Variants in DOCK1 observed in about 807,000 individuals in gnomAD.
DOCK1 encodes the protein dedicator of cytokinesis protein 1.
A neutral mutation model predicts 262.7 loss-of-function variants in DOCK1; 138 were observed. The ratio of observed to expected loss-of-function variants is 0.53; its 90% CI spans 0.46 to 0.61. The LOEUF (loss-of-function observed/expected upper bound fraction) is 0.61, where lower values mean the gene tolerates loss of function less well. Ranked by LOEUF, DOCK1 falls within the 20% of genes least tolerant of loss-of-function variation. The pLI, the probability that DOCK1 is intolerant of heterozygous loss-of-function variation, is 0.00. For missense variants in DOCK1, 1,908 were observed against 2,370.7 expected (o/e 0.80, Z 4.05); for synonymous variants, 866 against 867.4 (o/e 1.00, Z 0.03).
At chr10:127,413,366 G>A (rs1000245572) in intron 43 of DOCK1, among the ~76,000 whole-genome samples, 4 of 152,330 alleles carry the variant, frequency 2.6e-5, no homozygotes, top group Admixed American at 2.6e-4. Context: ...TGGACAAAGT[G>A]TTCGGAAGCT....
intron 2 of DOCK1, among the ~76,000 whole-genome samples, chr10:126,977,184 G>C (rs1297122981): frequency 6.6e-6 from 1 of 152,238 alleles, no homozygotes; most frequent in Non-Finnish European, 1.5e-5. Flanking sequence ...CTTTGCAGGG[G>C]CAGTTCCTGT....
chr10:127,325,313 C>G (rs887799712), intron 29 of DOCK1, among the ~76,000 whole-genome samples: 2 of 152,184 alleles, frequency 1.3e-5, no homozygotes, highest in African/African-American at 4.8e-5. Flanking sequence ...AGCTGGCACT[C>G]GCTGTTTGAG....
chr10:127,450,559 A>T lies in DOCK1; in HGVS notation c.5566-773A>T, dbSNP rs543168921. 7.1e-4 allele frequency among the ~76,000 whole-genome samples: 108 copies of T among 152,226 alleles called. 1 individual carries two copies. Among genetic ancestry groups the T allele is most frequent in the African/African-American group, 2.6e-3 (107 of 41,522 alleles). On this transcript the variant is annotated intron_variant, in intron 51 of 51. Transcript: ENST00000623213. ...ATCCATTTTTCTATTCGATTGACCC[A>T]TATTTCTAGAGAGTCTCCTGCACAT...
intron 1 of DOCK1, among the ~76,000 whole-genome samples, chr10:126,950,039 C>T (rs2036064003): frequency 6.7e-6 from 1 of 148,870 alleles, no homozygotes; most frequent in Admixed American, 6.8e-5. Flanking sequence ...AGCCATCTAA[C>T]ATCCTCTCTA....
intron 38 of DOCK1, among the ~76,000 whole-genome samples, chr10:127,398,462 G>A (rs2134275724): frequency 6.6e-6 from 1 of 152,318 alleles, no homozygotes; most frequent in Admixed American, 6.5e-5. Flanking sequence ...ACTGAACGCA[G>A]CCTCCTGCTA....
chr10:126,926,217 A>C (rs1231699324), intron 1 of DOCK1, among the ~76,000 whole-genome samples: 2 of 151,694 alleles, frequency 1.3e-5, no homozygotes, highest in Non-Finnish European at 2.9e-5. Context: ...TGACAGAGCC[A>C]CCGAAGTGTT....
intron 27 of DOCK1, chr10:127,128,055 C>CT (rs1438207049): frequency 5.0e-6 from 1 of 200,518 alleles, no homozygotes; most frequent in Non-Finnish European, 1.0e-5. Context: ...AGTGTTTACA[C>CT]TTAAGGTGCC....
intron 29 of DOCK1, 39 bp from the exon 30 acceptor site, chr10:127,338,966 CG>C: frequency 6.6e-7 from 1 of 1,516,772 alleles, no homozygotes; most frequent in Non-Finnish European, 8.9e-7. Context: ...AGTGCCAGAG[CG>C]TAAGTGTGTA....
chr10:127,382,737 C>T (rs2065890178), intron 37 of DOCK1, among the ~76,000 whole-genome samples: 1 of 152,228 alleles, frequency 6.6e-6, no homozygotes, highest in South Asian at 2.1e-4. Flanking sequence ...TGACAAACTG[C>T]TCACTCAACC....
chr10:127,169,987 G>C (rs1212907006), intron 27 of DOCK1, among the ~76,000 whole-genome samples: 4 of 152,008 alleles, frequency 2.6e-5, no homozygotes, highest in Non-Finnish European at 4.4e-5. Flanking sequence ...CCTGAACTCA[G>C]GGGGTTCCTT....
At chr10:127,372,279 C>G (rs1041441248) in intron 33 of DOCK1, among the ~76,000 whole-genome samples, 2 of 152,060 alleles carry the variant, frequency 1.3e-5, no homozygotes, top group African/African-American at 4.8e-5. Context: ...TGGGTTTCAC[C>G]GTTCCTTGCT....
At chr10:127,360,999 A>G (rs60075140) in intron 32 of DOCK1, among the ~76,000 whole-genome samples, 7,069 of 152,034 alleles carry the variant, frequency 0.046, 191 homozygotes, top group Non-Finnish European at 0.051. Context: ...TAATATGATC[A>G]TATTCAGTAT....
At chr10:127,291,132 C>A (rs1340266212) in intron 29 of DOCK1, among the ~76,000 whole-genome samples, 4 of 152,166 alleles carry the variant, frequency 2.6e-5, no homozygotes, top group Non-Finnish European at 5.9e-5. Context: ...GGGAAGACAT[C>A]CCTTGTTCTC....
At chr10:126,954,398 G>GC (rs1237461867) in intron 1 of DOCK1, among the ~76,000 whole-genome samples, 1 of 152,186 alleles carries the variant, frequency 6.6e-6, no homozygotes, top group Non-Finnish European at 1.5e-5. Context: ...ATCTTGAAAT[G>GC]TTTTTTCTAT....
intron 31 of DOCK1, chr10:127,344,669 C>T (rs950802879): frequency 3.9e-5 from 6 of 152,164 alleles, no homozygotes; most frequent in African/African-American, 1.4e-4. Context: ...AAGGCAAATC[C>T]AAAGCACATC....
intron 1 of DOCK1, among the ~76,000 whole-genome samples, chr10:126,953,481 G>C (rs970546362): frequency 2.6e-5 from 4 of 151,832 alleles, no homozygotes; most frequent in Admixed American, 6.6e-5. Context: ...GGTAGTGGTA[G>C]CAATATTATT....
chr10:126,961,120 G>A (rs1591456649), intron 1 of DOCK1, among the ~76,000 whole-genome samples: 2 of 152,084 alleles, frequency 1.3e-5, no homozygotes, highest in South Asian at 2.1e-4. Context: ...ACCAGGCCCA[G>A]CTAGCTCTGT....
chr10:127,293,637 C>T (rs2061415349), intron 29 of DOCK1, among the ~76,000 whole-genome samples: 1 of 152,178 alleles, frequency 6.6e-6, no homozygotes, highest in Admixed American at 6.5e-5. Context: ...TGTGAAAGGG[C>T]TGGGTCTGGG....
At chr10:127,073,629 C>G (rs1391019293) in intron 23 of DOCK1, among the ~76,000 whole-genome samples, 1 of 152,166 alleles carries the variant, frequency 6.6e-6, no homozygotes, top group African/African-American at 2.4e-5. Context: ...TAATAGTCTT[C>G]GAGGACACAG....
Sources: gnomAD v4.1 joint callset for allele counts (sites outside exome capture counted in the v4.1 genomes callset) on GRCh38, gnomAD v4.1.1 for gene constraint, MANE v1.5 for transcripts, NCBI Gene and HGNC (gene_info 2026-07-23, HGNC 2026-07-21) for gene names.